EDN3: variants seen among roughly 807,000 people sequenced by gnomAD.
The protein encoded by EDN3 is endothelin 3, also known as endothelin-3.
Under a neutral mutation model 21.4 loss-of-function variants are expected in EDN3, and 9 were observed. The ratio of observed to expected loss-of-function variants is 0.42; its 90% CI spans 0.25 to 0.73. The LOEUF (loss-of-function observed/expected upper bound fraction) is 0.73. Ranked by LOEUF, EDN3 falls within the 30% of genes least tolerant of loss-of-function variation. The pLI is 0.26. For missense variants in EDN3, 327 were observed against 309.4 expected (o/e 1.06, Z -0.43); for synonymous variants, 133 against 126.2 (o/e 1.05, Z -0.36).
intron 4 of EDN3, among the ~76,000 whole-genome samples, chr20:59,323,079 A>T (rs1391149781): frequency 6.6e-6 from 1 of 152,318 alleles, no homozygotes; most frequent in Non-Finnish European, 1.5e-5. Context: ...TATGTTCATA[A>T]TAATAGCCTG....
At chr20:59,320,599 C>T (rs1006757046) in intron 2 of EDN3, among the ~76,000 whole-genome samples, 33 of 152,226 alleles carry the variant, frequency 2.2e-4, no homozygotes, top group Admixed American at 1.3e-3. Context: ...CTAGGCCGGC[C>T]GTGGTTTGGT....
intron 2 of EDN3, among the ~76,000 whole-genome samples, chr20:59,313,367 C>T (rs138518373): frequency 2.0e-4 from 30 of 152,198 alleles, no homozygotes; most frequent in African/African-American, 7.2e-4. Flanking sequence ...TGTGCCTGGG[C>T]CAGACACCAT....
At chr20:59,301,255 G>A (rs1381542408) in intron 1 of EDN3, among the ~76,000 whole-genome samples, 155 bp from the exon 2 acceptor site, 1 of 152,242 alleles carries the variant, frequency 6.6e-6, no homozygotes, top group Non-Finnish European at 1.5e-5. Flanking sequence ...CACAGAGTGT[G>A]CAGATAGCTT....
chr20:59,302,553 T>C (rs1016776898), intron 2 of EDN3, among the ~76,000 whole-genome samples: 3 of 152,114 alleles, frequency 2.0e-5, no homozygotes, highest in Admixed American at 1.3e-4. Flanking sequence ...AGGCACATCA[T>C]CTTGCAGGCC....
At chr20:59,308,206 G>A (rs2146836988) in intron 2 of EDN3, among the ~76,000 whole-genome samples, 1 of 152,284 alleles carries the variant, frequency 6.6e-6, no homozygotes, top group East Asian at 1.9e-4. Context: ...GGACAGAGGG[G>A]GCTGAGTCTA....
chr20:59,307,319 A>G (rs1217830692), intron 2 of EDN3, among the ~76,000 whole-genome samples: 2 of 152,172 alleles, frequency 1.3e-5, no homozygotes, highest in Non-Finnish European at 2.9e-5. Context: ...CTGTGACCTC[A>G]TGTCATCTCA....
In EDN3 at chr20:59,305,656, A is replaced by G. The variant is rs1989356285; in HGVS notation, c.365+3934A>G. Among the ~76,000 whole-genome samples the G allele has an allele frequency of 6.6e-6, 1 of 152,188 alleles. No homozygotes were observed. Among genetic ancestry groups the G allele is most frequent in the African/African-American group, 2.4e-5 (1 of 41,446 alleles). On this transcript the variant is annotated intron_variant, in intron 2 of 4. Coordinates refer to ENST00000337938, the MANE Select transcript of EDN3 (RefSeq NM_207034.3). The surrounding 1 kb of genome is among the most constrained non-coding windows in gnomAD (Gnocchi z 4.2). ...CAATTTTCAGAATTTGGCTTACATG[A>G]TTGTGGGGGCTGGCAGGCCAGAAAT...
Position 59,305,465 on chromosome 20 carries a change from A to G in EDN3, c.365+3743A>G, listed in dbSNP as rs1305782148. Reference sequence around the variant, plus strand: ...AGGAGTCAGGGTTCTCTAGAGAGACAGAACCAACAGGGTGTGTGCATGTCT... The same window carrying G: ...AGGAGTCAGGGTTCTCTAGAGAGACGGAACCAACAGGGTGTGTGCATGTCT... On this transcript the variant is annotated intron_variant, in intron 2 of 4. Transcript: ENST00000337938. The surrounding 1 kb of genome is among the most constrained non-coding windows in gnomAD (Gnocchi z 4.2). Among the ~76,000 whole-genome samples, 2 of 152,234 alleles carry G rather than the reference A, an allele frequency of 1.3e-5. No homozygotes were observed. Among genetic ancestry groups the G allele is most frequent in the Admixed American group, 1.3e-4 (2 of 15,292 alleles).
rs2146884440 is a variant in EDN3, at chr20:59,322,520, T to C, written c.588+103T>C. 2 of 1,481,600 alleles carry C rather than the reference T, an allele frequency of 1.3e-6. No individual in the cohort carries two copies. Among genetic ancestry groups the C allele is most frequent in the Admixed American group, 3.5e-5 (2 of 57,014 alleles). The allele number at this position is 1,481,600 out of a possible 1,614,324, so 91.8% of individuals were successfully genotyped here. ...TGTTTTGAGGGGATGGCATCTGGTCTGGTCCAGTGGGAACCCCAGATCTCA... is the reference window on the plus strand; with the variant it reads ...TGTTTTGAGGGGATGGCATCTGGTCCGGTCCAGTGGGAACCCCAGATCTCA... On this transcript the variant is annotated intron_variant, in intron 4 of 4. Coordinates refer to ENST00000337938, the MANE Select transcript of EDN3 (RefSeq NM_207034.3). The surrounding 1 kb of genome is among the most constrained non-coding windows in gnomAD (Gnocchi z 4.1).
chr20:59,311,226 A>G (rs893746990), intron 2 of EDN3, among the ~76,000 whole-genome samples: 5 of 152,082 alleles, frequency 3.3e-5, no homozygotes, highest in African/African-American at 7.2e-5. Flanking sequence ...TGATAAATCT[A>G]TTGGAGCTAT....
intron 2 of EDN3, among the ~76,000 whole-genome samples, chr20:59,304,466 C>T (rs1989257500): frequency 6.6e-6 from 1 of 152,214 alleles, no homozygotes; most frequent in Admixed American, 6.5e-5. Flanking sequence ...CTGTTCTGGG[C>T]ACGAGAAGGA....
rs1033731765 is a variant in EDN3, at chr20:59,322,586, C to T, written c.588+169C>T. ...ACAAGCAATGGTGCCTTTGGTGGAC[C>T]GTTTCTGGGGGCAGAGCGGGCTGAA... On this transcript the variant is annotated intron_variant, in intron 4 of 4. Coordinates refer to ENST00000337938, the MANE Select transcript of EDN3 (RefSeq NM_207034.3). The surrounding 1 kb of genome is among the most constrained non-coding windows in gnomAD (Gnocchi z 4.1). 2.0e-5 allele frequency: 19 copies of T among 928,058 alleles called. No individual in the cohort carries two copies. The highest frequency in any genetic ancestry group is 1.8e-4 in the East Asian group (7 of 38,012). The allele number at this position is 928,058 out of a possible 1,614,324, so 57.5% of individuals were successfully genotyped here.
At chr20:59,320,965 C>A (rs905294418) in intron 2 of EDN3, 52 bp from the exon 3 acceptor site, 30 of 1,609,834 alleles carry the variant, frequency 1.9e-5, no homozygotes, top group Non-Finnish European at 2.3e-5. Context: ...TTGGGGGCCC[C>A]TGAGCAGGGA....
At position 59,300,680 on chromosome 20, in the gene EDN3, C is replaced by G; in HGVS notation, c.-133C>G. On this transcript the variant is annotated 5_prime_UTR_variant, in exon 1 of 5. Transcript: ENST00000337938. ...GCCAACTCCTGGCCGGAGCTGGAGA[C>G]GCAGCGAGCGATCGGCCGGCCTCGA... The G allele has an allele frequency of 1.2e-6, 1 of 846,600 alleles. No homozygotes were observed. Among genetic ancestry groups the G allele is most frequent in the African/African-American group, 1.7e-5 (1 of 58,710 alleles). The allele number at this position is 846,600 out of a possible 1,614,324, so 52.4% of individuals were successfully genotyped here.
chr20:59,309,667 C>T (rs1989664543), intron 2 of EDN3, among the ~76,000 whole-genome samples: 1 of 152,034 alleles, frequency 6.6e-6, no homozygotes, highest in Non-Finnish European at 1.5e-5. Context: ...TTTTGGGTAC[C>T]AGTTTTGAGT....
chr20:59,324,498 T>G lies in EDN3; in HGVS notation c.*39T>G. 9 of 1,613,644 alleles carry G rather than the reference T, an allele frequency of 5.6e-6. No homozygotes were observed. The highest frequency in any genetic ancestry group is 5.9e-6 in the Non-Finnish European group (7 of 1,179,826). On this transcript the variant is annotated 3_prime_UTR_variant, in exon 5 of 5. Transcript: ENST00000337938. ...CAGCATCCTGGTCTCGGGAGGCTTC[T>G]GTCATTGCTCACACACAGTTCAGAT...
Position 59,322,506 on chromosome 20 carries a change from G to A in EDN3, c.588+89G>A, listed in dbSNP as rs1011440459. 2.1e-5 allele frequency: 33 copies of A among 1,560,852 alleles called. No homozygotes were observed. The Admixed American group carries it at 5.5e-4, about 26-fold the overall frequency. ...GGGTGGGTGGAGGGTGTTTTGAGGG[G>A]ATGGCATCTGGTCTGGTCCAGTGGG... is the stretch of plus-strand genomic sequence containing the variant. On this transcript the variant is annotated intron_variant, in intron 4 of 4. Coordinates refer to ENST00000337938, the MANE Select transcript of EDN3 (RefSeq NM_207034.3). This position sits in a 1 kb window ranked among gnomAD's most constrained non-coding sequence, Gnocchi z 4.1.
chr20:59,306,812 G>A (rs1989460282), intron 2 of EDN3, among the ~76,000 whole-genome samples: 1 of 152,072 alleles, frequency 6.6e-6, no homozygotes, highest in African/African-American at 2.4e-5. Flanking sequence ...CACATGAGGA[G>A]CCAGCTGAGC....
chr20:59,307,280 T>TCATGATGCCAAG (rs11570282), intron 2 of EDN3, among the ~76,000 whole-genome samples: 43,032 of 152,076 alleles, frequency 0.28, 6,173 homozygotes, highest in Middle Eastern at 0.39. Context: ...CTGCTACTAA[T>TCATGATGCCAAG]CATGGATGGT....
Sources: gnomAD v4.1 joint callset for allele counts (sites outside exome capture counted in the v4.1 genomes callset) on GRCh38, gnomAD v4.1.1 for gene constraint, Gnocchi (gnomAD v3.1) non-coding constraint, MANE v1.5 for transcripts, NCBI Gene and HGNC (gene_info 2026-07-23, HGNC 2026-07-21) for gene names.